Variants in VEPH1 observed in about 807,000 individuals in gnomAD.
VEPH1 encodes the protein ventricular zone expressed PH domain containing 1, also known as ventricular zone-expressed PH domain-containing protein homolog 1.
Under a neutral mutation model 85.2 loss-of-function variants are expected in VEPH1, and 80 were observed. That is an observed-to-expected ratio of 0.94 (90% CI 0.78 to 1.13). The LOEUF (loss-of-function observed/expected upper bound fraction) is 1.13, where lower values mean the gene tolerates loss of function less well. Among genes scored for constraint, VEPH1 ranks in the 50% most tolerant of loss-of-function variants. The pLI is 0.00. For synonymous variants in VEPH1, 297 were observed against 348.0 expected (o/e 0.85, Z 1.63); for missense variants, 955 against 980.5 (o/e 0.97, Z 0.35).
intron 4 of VEPH1, among the ~76,000 whole-genome samples, chr3:157,432,474 G>A (rs1354268596): frequency 1.3e-5 from 2 of 151,996 alleles, no homozygotes; most frequent in East Asian, 3.8e-4. Flanking sequence ...GTCTGGAAAT[G>A]ACTTTGGTAC....
intron 11 of VEPH1, among the ~76,000 whole-genome samples, chr3:157,294,423 A>G (rs1467806643): frequency 6.6e-6 from 1 of 152,136 alleles, no homozygotes; most frequent in African/African-American, 2.4e-5. Context: ...TGTGAACCCT[A>G]TTTGGTTTCT....
intron 4 of VEPH1, chr3:157,443,028 A>G (rs1473469650): frequency 1.3e-6 from 2 of 1,542,718 alleles, no homozygotes; most frequent in African/African-American, 2.8e-5. Flanking sequence ...CACACTTAAA[A>G]CACATGCCAG....
rs141873939 is a variant in VEPH1 at position 157,354,668 on chromosome 3, G to A, written c.1735+8696C>T. Among the ~76,000 whole-genome samples the A allele has an allele frequency of 3.3e-5, 5 of 152,128 alleles. No homozygotes were observed. In the East Asian group the frequency reaches 7.7e-4, roughly 24 times the overall value. On this transcript the variant is annotated intron_variant, in intron 9 of 13. Transcript: ENST00000362010. ...GTTTCACAGCATCTGTCACTATTTG[G>A]CATTATTCTTTCTATATATTTTTTG...
intron 1 of VEPH1, among the ~76,000 whole-genome samples, chr3:157,501,798 A>G (rs567515954): frequency 6.6e-6 from 1 of 152,286 alleles, no homozygotes; most frequent in African/African-American, 2.4e-5. Context: ...AAATTCTAGA[A>G]TGACAATATT....
At chr3:157,418,297 C>T (rs974031431) in intron 5 of VEPH1, among the ~76,000 whole-genome samples, 8 of 152,132 alleles carry the variant, frequency 5.3e-5, no homozygotes, top group African/African-American at 1.7e-4. Context: ...TAGTCACTTC[C>T]TCTTCTGTGC....
Position 157,363,698 on chromosome 3 carries a change from A to G in VEPH1, c.1401T>C (p.Asp467=), listed in dbSNP as rs1466329920. 1 of 1,614,108 alleles carries G rather than the reference A, an allele frequency of 6.2e-7. No individual in the cohort carries two copies. The highest frequency in any genetic ancestry group is 1.1e-5 in the South Asian group (1 of 91,090). ...TKGVGSDDGE[D]ENRGDIPASI... is the part of the protein sequence containing the mutation. ...TGGCTGGTATGTCTCCCCTGTTTTCATCTTCGCCGTCATCTGAACCCACAC... is the reference window on the plus strand; with the variant it reads ...TGGCTGGTATGTCTCCCCTGTTTTCGTCTTCGCCGTCATCTGAACCCACAC... Residue 467 remains aspartate, a synonymous_variant, in exon 9 of 14, where the codon GAT becomes GAC. Transcript: ENST00000362010.
In VEPH1 at chr3:157,477,263, T is replaced by C. The variant is rs541540288; in HGVS notation, c.139-6734A>G. The stretch of plus-strand genomic sequence containing the variant: ...CCTTGGCTCATGGTCCCTTCCTCCA[T>C]CTTTAAAGCACATCACTTCAACCTC... On this transcript the variant is annotated intron_variant, in intron 2 of 13. Transcript: ENST00000362010. 1.3e-4 allele frequency among the ~76,000 whole-genome samples: 19 copies of C among 151,976 alleles called. No individual in the cohort carries two copies. The East Asian group carries it at 1.4e-3, about 11-fold the overall frequency.
chr3:157,375,113 C>T (rs1727940384), intron 7 of VEPH1, among the ~76,000 whole-genome samples: 2 of 152,162 alleles, frequency 1.3e-5, no homozygotes, highest in Non-Finnish European at 2.9e-5. Flanking sequence ...TTCTATTATC[C>T]CGATGCATAT....
chr3:157,280,202 A>G (rs1305023777), intron 12 of VEPH1, among the ~76,000 whole-genome samples: 2 of 152,026 alleles, frequency 1.3e-5, no homozygotes, highest in African/African-American at 4.8e-5. Context: ...AACTGCACAA[A>G]ATTCTTGAAA....
chr3:157,380,292 G>A (rs1211178908), intron 7 of VEPH1, among the ~76,000 whole-genome samples: 1 of 152,000 alleles, frequency 6.6e-6, no homozygotes. Context: ...TCTGCACTGG[G>A]GCCAGGGTGA....
At chr3:157,292,278 G>A (rs189039886) in intron 11 of VEPH1, among the ~76,000 whole-genome samples, 142 of 152,278 alleles carry the variant, frequency 9.3e-4, no homozygotes, top group Non-Finnish European at 1.9e-3. Context: ...TGCCCTGACT[G>A]TAAAATTAAT....
intron 12 of VEPH1, among the ~76,000 whole-genome samples, chr3:157,283,591 G>A (rs1052890487): frequency 6.6e-6 from 1 of 152,200 alleles, no homozygotes; most frequent in African/African-American, 2.4e-5. Flanking sequence ...CTTACTTGAA[G>A]ACAGGAATGT....
intron 11 of VEPH1, among the ~76,000 whole-genome samples, chr3:157,302,656 C>T (rs1208287837): frequency 1.3e-5 from 2 of 152,126 alleles, no homozygotes; most frequent in African/African-American, 4.8e-5. Context: ...TTATAAGCAC[C>T]CAGTTAATAG....
At chr3:157,299,533 C>A (rs754150392) in intron 11 of VEPH1, among the ~76,000 whole-genome samples, 1 of 138,562 alleles carries the variant, frequency 7.2e-6, no homozygotes, top group Non-Finnish European at 1.5e-5. Context: ...GCAGTCCAAC[C>A]TGGGCAATAG....
intron 9 of VEPH1, among the ~76,000 whole-genome samples, chr3:157,329,260 CTT>C (rs1177148939): frequency 6.6e-6 from 1 of 152,172 alleles, no homozygotes; most frequent in African/African-American, 2.4e-5. Context: ...CCAAACCTCT[CTT>C]GAGAGAAGCC....
chr3:157,409,343 G>T (rs537755271), intron 6 of VEPH1, among the ~76,000 whole-genome samples: 105 of 152,196 alleles, frequency 6.9e-4, no homozygotes, highest in African/African-American at 2.5e-3. Flanking sequence ...CCAGAGAAAT[G>T]GAGCAAATCC....
At chr3:157,345,432 T>C (rs1395372163) in intron 9 of VEPH1, among the ~76,000 whole-genome samples, 3 of 152,132 alleles carry the variant, frequency 2.0e-5, no homozygotes, top group Non-Finnish European at 4.4e-5. Flanking sequence ...TGGAAAAATG[T>C]TCATCATCAC....
At chr3:157,440,374 A>C (rs1734024001) in intron 4 of VEPH1, among the ~76,000 whole-genome samples, 1 of 152,178 alleles carries the variant, frequency 6.6e-6, no homozygotes, top group African/African-American at 2.4e-5. Context: ...TGTTTTCAGG[A>C]TAGAGCCTAC....
At position 157,502,516 on chromosome 3, in the gene VEPH1, G is replaced by A. The variant is rs993130614; in HGVS notation, c.-158+761C>T. Among the ~76,000 whole-genome samples, 10 of 151,992 alleles carry A rather than the reference G, an allele frequency of 6.6e-5. No individual in the cohort carries two copies. In the South Asian group the frequency reaches 1.2e-3, roughly 19 times the overall value. On this transcript the variant is annotated intron_variant, in intron 1 of 13. Transcript: ENST00000362010. ...TGCTGAAAAATCCTAATTCAAATTC[G>A]TGGGTTTGTTCTTCCAGAAAATGTA...
Sources: gnomAD v4.1 joint callset for allele counts (sites outside exome capture counted in the v4.1 genomes callset) on GRCh38, gnomAD v4.1.1 for gene constraint, MANE v1.5 for transcripts, NCBI Gene and HGNC (gene_info 2026-07-23, HGNC 2026-07-21) for gene names.